PAK5: variants seen among roughly 807,000 people sequenced by gnomAD.
PAK5 encodes serine/threonine-protein kinase PAK 5.
In PAK5, 16 loss-of-function variants were observed where a neutral mutation model predicts 65.9. The observed-to-expected ratio is 0.24, with a 90% CI of 0.16 to 0.37. The LOEUF is 0.37. Among genes scored for constraint, PAK5 ranks in the 10% least tolerant of loss-of-function variants. The pLI is 1.00. For missense variants in PAK5, 785 were observed against 903.9 expected (o/e 0.87, Z 1.69); for synonymous variants, 371 against 354.9 (o/e 1.05, Z -0.51).
At chr20:9,778,467 G>GC (rs35932381) in intron 1 of PAK5, among the ~76,000 whole-genome samples, 60,162 of 151,960 alleles carry the variant, frequency 0.4, 12,067 homozygotes, top group East Asian at 0.5. Flanking sequence ...CAGACTCCTG[G>GC]CATCAACCAA....
intron 1 of PAK5, among the ~76,000 whole-genome samples, chr20:9,833,326 C>T (rs532030699): frequency 7.9e-5 from 12 of 152,310 alleles, no homozygotes; most frequent in African/African-American, 2.2e-4. Flanking sequence ...AATTCTTACA[C>T]CAGTACTACA....
chr20:9,621,405 T>TAAAAAA (rs33927046), intron 3 of PAK5, among the ~76,000 whole-genome samples: 1 of 118,142 alleles, frequency 8.5e-6, no homozygotes, highest in Non-Finnish European at 1.7e-5. Context: ...CAGGACTGAT[T>TAAAAAA]AAAAAAAAAA....
At chr20:9,771,480 C>T (rs1027384334) in intron 1 of PAK5, among the ~76,000 whole-genome samples, 7 of 151,746 alleles carry the variant, frequency 4.6e-5, no homozygotes, top group Non-Finnish European at 8.8e-5. Flanking sequence ...GTAATCACTG[C>T]TCACTGCAGC....
chr20:9,764,471 T>A (rs1229000928), intron 1 of PAK5, among the ~76,000 whole-genome samples: 1 of 152,204 alleles, frequency 6.6e-6, no homozygotes, highest in African/African-American at 2.4e-5. Flanking sequence ...TTGTAAGTAA[T>A]AAATGTGGGT....
chr20:9,745,592 C>T (rs1004122985), intron 1 of PAK5, among the ~76,000 whole-genome samples: 5 of 152,036 alleles, frequency 3.3e-5, no homozygotes, highest in Admixed American at 6.6e-5. Context: ...TATTTTCATG[C>T]GTTGATCTTA....
chr20:9,559,227 C>T (rs1029375093), intron 6 of PAK5, among the ~76,000 whole-genome samples: 22 of 152,120 alleles, frequency 1.4e-4, no homozygotes, highest in African/African-American at 4.3e-4. Context: ...GGTCCTAAAG[C>T]GAACTATCAT....
intron 3 of PAK5, among the ~76,000 whole-genome samples, chr20:9,616,351 G>A (rs550477444): frequency 2.6e-5 from 4 of 152,246 alleles, no homozygotes; most frequent in East Asian, 1.9e-4. Flanking sequence ...CGCCAGTAGC[G>A]AGTAGCAGAT....
rs76855392 is a variant in PAK5 at position 9,631,468 on chromosome 20, T to C, written c.204+12657A>G. The stretch of plus-strand genomic sequence containing the variant: ...CCTTGAAGAAGCAAGCTGTCACGCA[T>C]TCTGCAGCTGCAAAGAAAAGAATTC... On this transcript the variant is annotated intron_variant, in intron 3 of 9. Coordinates refer to ENST00000353224, the MANE Select transcript of PAK5 (RefSeq NM_177990.4). 2.6e-5 allele frequency among the ~76,000 whole-genome samples: 4 copies of C among 152,320 alleles called. No homozygotes were observed. The East Asian group carries it at 7.7e-4, about 29-fold the overall frequency.
intron 1 of PAK5, among the ~76,000 whole-genome samples, chr20:9,725,941 GA>G (rs1228298343): frequency 1.3e-5 from 2 of 151,788 alleles, no homozygotes; most frequent in East Asian, 1.9e-4. Context: ...TCAGTAATAA[GA>G]AAAAAAATTA....
chr20:9,755,499 T>A (rs2048623602), intron 1 of PAK5, among the ~76,000 whole-genome samples: 1 of 152,180 alleles, frequency 6.6e-6, no homozygotes, highest in South Asian at 2.1e-4. Flanking sequence ...TGCTGGCAGC[T>A]AGTTTTCAAA....
chr20:9,552,005 A>C (rs1368866669), intron 7 of PAK5, among the ~76,000 whole-genome samples: 2 of 152,210 alleles, frequency 1.3e-5, no homozygotes, highest in Non-Finnish European at 2.9e-5. Flanking sequence ...AGATCTGGGC[A>C]GGGCACCAAC....
At chr20:9,805,727 C>T (rs999638102) in intron 1 of PAK5, among the ~76,000 whole-genome samples, 3 of 152,030 alleles carry the variant, frequency 2.0e-5, no homozygotes, top group Non-Finnish European at 4.4e-5. Context: ...TTGCAGGGGC[C>T]TGGGGGAGGA....
rs1600173613 is a variant in PAK5, at chr20:9,633,924, G to A, written c.204+10201C>T. On this transcript the variant is annotated intron_variant, in intron 3 of 9. Transcript: ENST00000353224. ...TGCTTTAAAATGGTACATTCAATTT[G>A]TGTTTACCTTGGTCTTGAGGTGGCA... is the stretch of plus-strand genomic sequence containing the variant. 2.0e-5 allele frequency among the ~76,000 whole-genome samples: 3 copies of A among 152,322 alleles called. No homozygotes were observed. The East Asian group carries it at 5.8e-4, about 29-fold the overall frequency.
At chr20:9,715,717 T>TA (rs1183844245) in intron 1 of PAK5, among the ~76,000 whole-genome samples, 5 of 151,750 alleles carry the variant, frequency 3.3e-5, no homozygotes, top group Non-Finnish European at 7.4e-5. Flanking sequence ...TATGCAGCCA[T>TA]AAAAAAGGAT....
intron 1 of PAK5, among the ~76,000 whole-genome samples, chr20:9,827,320 G>C (rs1569103912): frequency 6.6e-6 from 1 of 152,162 alleles, no homozygotes; most frequent in Non-Finnish European, 1.5e-5. Flanking sequence ...TCAGCTTCTT[G>C]AATCTATCTA....
At chr20:9,785,902 T>C (rs1403697190) in intron 1 of PAK5, among the ~76,000 whole-genome samples, 1 of 152,080 alleles carries the variant, frequency 6.6e-6, no homozygotes, top group Non-Finnish European at 1.5e-5. Context: ...AGTAGTGTCC[T>C]AGAATAGACT....
intron 1 of PAK5, among the ~76,000 whole-genome samples, chr20:9,764,589 T>C (rs1319694249): frequency 6.6e-6 from 1 of 152,200 alleles, no homozygotes; most frequent in African/African-American, 2.4e-5. Context: ...ACTACGGTGA[T>C]GGTAAAATAA....
intron 1 of PAK5, among the ~76,000 whole-genome samples, chr20:9,734,806 C>T (rs777105275): frequency 3.3e-5 from 5 of 152,064 alleles, no homozygotes; most frequent in Admixed American, 6.6e-5. Context: ...TTTGCAGAAA[C>T]GAAGGAAGAG....
chr20:9,793,056 G>A (rs1367015543), intron 1 of PAK5, among the ~76,000 whole-genome samples: 2 of 152,102 alleles, frequency 1.3e-5, no homozygotes, highest in Non-Finnish European at 2.9e-5. Context: ...CAATTGCACA[G>A]CCTAACCAGG....
Sources: gnomAD v4.1 joint callset for allele counts (sites outside exome capture counted in the v4.1 genomes callset) on GRCh38, gnomAD v4.1.1 for gene constraint, MANE v1.5 for transcripts, NCBI Gene and HGNC (gene_info 2026-07-23, HGNC 2026-07-21) for gene names.